YWHAZ: variants seen among roughly 807,000 people sequenced by gnomAD.
The protein encoded by YWHAZ is 14-3-3 protein zeta/delta.
For synonymous variants in YWHAZ, 87 were observed against 103.6 expected (o/e 0.84, Z 0.97); for missense variants, 79 against 284.8 (o/e 0.28, Z 5.20).
At chr8:100,942,787 G>A (rs1221567728) in intron 2 of YWHAZ, among the ~76,000 whole-genome samples, 3 of 152,164 alleles carry the variant, frequency 2.0e-5, no homozygotes, top group Non-Finnish European at 4.4e-5. Context: ...AATGAAATCA[G>A]CATTTTAGAA....
intron 2 of YWHAZ, among the ~76,000 whole-genome samples, chr8:100,933,833 C>T (rs1287245495): frequency 1.3e-5 from 2 of 152,096 alleles, no homozygotes; most frequent in African/African-American, 2.4e-5. Context: ...TATAGCAAGA[C>T]CCCATCTCTA....
chr8:100,941,542 T>C (rs956881600), intron 2 of YWHAZ, among the ~76,000 whole-genome samples: 6 of 152,174 alleles, frequency 3.9e-5, no homozygotes, highest in African/African-American at 1.2e-4. Context: ...CCCAGCACTT[T>C]GGGAGGCCGG....
At position 100,934,352 on chromosome 8, in the gene YWHAZ, TGG is replaced by T. The variant is rs2130224165; in HGVS notation, c.295-9315_295-9314del. ...TTTTTTTTTTTTTAAAAGGAGGGTC[TGG>T]CTAAGTAAGTTGCTACATACCCAAA... On this transcript the variant is annotated intron_variant, in intron 2 of 5. Transcript: ENST00000395958. 2.0e-5 allele frequency among the ~76,000 whole-genome samples: 3 copies of T among 149,944 alleles called. No individual in the cohort carries two copies. The South Asian group carries it at 6.3e-4, about 32-fold the overall frequency.
At position 100,944,687 on chromosome 8, in the gene YWHAZ, G is replaced by C. The variant is rs1329421412; in HGVS notation, c.294+3909C>G. Among the ~76,000 whole-genome samples, 5 of 152,124 alleles carry C rather than the reference G, an allele frequency of 3.3e-5. No homozygotes were observed. In the East Asian group the frequency reaches 7.7e-4, roughly 23 times the overall value. On this transcript the variant is annotated intron_variant, in intron 2 of 5. Coordinates refer to ENST00000395958, the MANE Select transcript of YWHAZ (RefSeq NM_145690.3). Reference sequence around the variant, plus strand: ...ATGGACTGTAAGTTAAGAGACCCCTGCACTATTATAGGCAGGCTCACACTT... The same window carrying C: ...ATGGACTGTAAGTTAAGAGACCCCTCCACTATTATAGGCAGGCTCACACTT...
At chr8:100,947,606 T>C (rs1810399175) in intron 2 of YWHAZ, among the ~76,000 whole-genome samples, 1 of 152,236 alleles carries the variant, frequency 6.6e-6, no homozygotes, top group Non-Finnish European at 1.5e-5. Flanking sequence ...TCATCACAAC[T>C]TTAACAAAAA....
At chr8:100,941,065 A>G (rs1377752320) in intron 2 of YWHAZ, among the ~76,000 whole-genome samples, 1 of 152,222 alleles carries the variant, frequency 6.6e-6, no homozygotes, top group African/African-American at 2.4e-5. Flanking sequence ...GAGTTGTCTT[A>G]TTTCTAAACA....
Position 100,918,355 on chromosome 8 carries a change from AAAAC to A in YWHAZ, c.*2334_*2337del, listed in dbSNP as rs1194841913. ...AAGACTCTTGTCTCCAAAAAAAAAAAAAACAACAAAAAAATTCCCACCTCTTCAG... is the reference window on the plus strand; with the variant it reads ...AAGACTCTTGTCTCCAAAAAAAAAAAAACAAAAAAATTCCCACCTCTTCAG... On this transcript the variant is annotated 3_prime_UTR_variant, in exon 6 of 6. Transcript: ENST00000395958. 1.5e-4 allele frequency: 16 copies of A among 106,626 alleles called. 1 individual carries two copies. Among genetic ancestry groups the A allele is most frequent in the East Asian group, 6.5e-4 (2 of 3,058 alleles). The allele number at this position is 106,626 out of a possible 1,614,324, so 6.6% of individuals were successfully genotyped here. A position where few individuals can be genotyped will look rare whatever the true frequency, so the allele number is the denominator to read the frequency against.
chr8:100,927,698 T>C (rs1277066307), intron 2 of YWHAZ, among the ~76,000 whole-genome samples: 3 of 152,224 alleles, frequency 2.0e-5, no homozygotes, highest in African/African-American at 7.2e-5. Flanking sequence ...AGGAAAGGTG[T>C]TGATAAATGC....
intron 2 of YWHAZ, among the ~76,000 whole-genome samples, chr8:100,926,537 T>A (rs367868836): frequency 6.6e-5 from 10 of 152,292 alleles, no homozygotes; most frequent in African/African-American, 2.4e-4. Context: ...GAGAACTGCT[T>A]GAGCCCGAGA....
intron 2 of YWHAZ, among the ~76,000 whole-genome samples, chr8:100,946,024 AT>A (rs1172309967): frequency 2.0e-5 from 3 of 152,186 alleles, no homozygotes; most frequent in African/African-American, 7.2e-5. Flanking sequence ...TTAAACTCTC[AT>A]TTATCCAAAC....
chr8:100,950,441 G>A (rs1586166578), intron 1 of YWHAZ: 4 of 985,288 alleles, frequency 4.1e-6, no homozygotes, highest in Admixed American at 1.2e-4. Context: ...AAACGAAAAC[G>A]GGCAGACCCG....
At chr8:100,939,651 C>T (rs1464520556) in intron 2 of YWHAZ, among the ~76,000 whole-genome samples, 1 of 149,952 alleles carries the variant, frequency 6.7e-6, no homozygotes, top group Non-Finnish European at 1.5e-5. Context: ...AAGAGTGAAA[C>T]TCCATCTCAA....
intron 1 of YWHAZ, 88 bp downstream of exon 1, chr8:100,951,841 T>G: frequency 1.0e-6 from 1 of 985,900 alleles, no homozygotes; most frequent in South Asian, 4.6e-5. Context: ...CGAGTGGGGA[T>G]GAGGGGACGG....
rs1437090908 is a variant in YWHAZ, at chr8:100,918,434, ATATATATAT to A, written c.*2250_*2258del. On this transcript the variant is annotated 3_prime_UTR_variant, in exon 6 of 6. Coordinates refer to ENST00000395958, the MANE Select transcript of YWHAZ (RefSeq NM_145690.3). ...TATATATATATATATATATATATAT[ATATATATAT>A]AATTATTTTACCTCCTTGGCTTGGG... 7.5e-5 allele frequency: 8 copies of A among 107,136 alleles called. No individual in the cohort carries two copies. Among genetic ancestry groups the A allele is most frequent in the East Asian group, 6.4e-4 (2 of 3,132 alleles). The allele number at this position is 107,136 out of a possible 1,614,324, so 6.6% of individuals were successfully genotyped here.
intron 1 of YWHAZ, chr8:100,950,628 A>T: frequency 3.1e-6 from 3 of 966,958 alleles, no homozygotes; most frequent in Non-Finnish European, 3.7e-6. Flanking sequence ...AGCCAGAGGG[A>T]GGAGCAGCCC....
chr8:100,924,460 T>C lies in YWHAZ; in HGVS notation c.419-162A>G. 1.5e-6 allele frequency: 1 copy of C among 650,656 alleles called. No homozygotes were observed. The highest frequency in any genetic ancestry group is 2.5e-6 in the Non-Finnish European group (1 of 399,590). 40.3% of individuals were successfully genotyped at this position (650,656 alleles called of 1,614,324 possible). ...CCTTTTTTTTTTTTAAAGGGAGCTT[T>C]CTCCTGGTACACACTAGCCATTGAT... On this transcript the variant is annotated intron_variant, in intron 3 of 5. Coordinates refer to ENST00000395958, the MANE Select transcript of YWHAZ (RefSeq NM_145690.3). The surrounding 1 kb of genome is among the most constrained non-coding windows in gnomAD (Gnocchi z 5.7).
intron 2 of YWHAZ, chr8:100,934,923 C>T (rs1333347131): frequency 6.6e-6 from 1 of 152,002 alleles, no homozygotes; most frequent in African/African-American, 2.4e-5. Flanking sequence ...GCTCTTAACA[C>T]CTAAATTCTT....
At chr8:100,940,677 A>G (rs1239757904) in intron 2 of YWHAZ, among the ~76,000 whole-genome samples, 1 of 152,256 alleles carries the variant, frequency 6.6e-6, no homozygotes, top group African/African-American at 2.4e-5. Context: ...TGTATTTGCT[A>G]TTTAACACCA....
intron 5 of YWHAZ, 41 bp from the exon 6 acceptor site, chr8:100,920,793 GAT>G: frequency 2.7e-6 from 2 of 737,532 alleles, no homozygotes; most frequent in South Asian, 1.5e-5. Context: ...GTTTCAGTGG[GAT>G]GGGGGGGGGG....
Sources: gnomAD v4.1 joint callset for allele counts (sites outside exome capture counted in the v4.1 genomes callset) on GRCh38, gnomAD v4.1.1 for gene constraint, Gnocchi (gnomAD v3.1) non-coding constraint, MANE v1.5 for transcripts, NCBI Gene and HGNC (gene_info 2026-07-23, HGNC 2026-07-21) for gene names.